Variants in HCN1 observed in about 807,000 individuals in gnomAD.
HCN1 encodes the protein potassium/sodium hyperpolarization-activated cyclic nucleotide-gated channel 1.
A neutral mutation model predicts 78.9 loss-of-function variants in HCN1; 13 were observed. The ratio of observed to expected loss-of-function variants is 0.16; its 90% CI spans 0.11 to 0.26. The LOEUF is 0.26. HCN1 is among the 10% of genes least tolerant of loss of function. HCN1 has a pLI of 1.00. For synonymous variants in HCN1, 552 were observed against 455.5 expected (o/e 1.21, Z -2.70); for missense variants, 810 against 1,154.3 (o/e 0.70, Z 4.32).
At chr5:45,520,851 A>G (rs1005565221) in intron 2 of HCN1, among the ~76,000 whole-genome samples, 1 of 152,006 alleles carries the variant, frequency 6.6e-6, no homozygotes, top group East Asian at 1.9e-4. Context: ...TTATAATATA[A>G]TATAAGTGTT....
chr5:45,671,662 G>C (rs1036625329), intron 1 of HCN1, among the ~76,000 whole-genome samples: 38 of 151,376 alleles, frequency 2.5e-4, no homozygotes, highest in African/African-American at 9.2e-4. Context: ...GTAGAATTTA[G>C]AAAAAAGATC....
chr5:45,691,035 G>A (rs1437097171), intron 1 of HCN1, among the ~76,000 whole-genome samples: 3 of 152,064 alleles, frequency 2.0e-5, no homozygotes, highest in Admixed American at 2.0e-4. Flanking sequence ...TAGGTGCATT[G>A]AGTATAATAA....
intron 3 of HCN1, among the ~76,000 whole-genome samples, chr5:45,421,496 A>G (rs1423766025): frequency 6.6e-6 from 1 of 152,214 alleles, no homozygotes; most frequent in Admixed American, 6.5e-5. Flanking sequence ...ATAATGAGTG[A>G]AGGAAGCAAA....
At chr5:45,681,938 T>G (rs1739708718) in intron 1 of HCN1, among the ~76,000 whole-genome samples, 1 of 152,112 alleles carries the variant, frequency 6.6e-6, no homozygotes, top group Non-Finnish European at 1.5e-5. Context: ...ATTCATGTGT[T>G]GAAGTCCTAA....
At chr5:45,551,997 A>C (rs1342037742) in intron 2 of HCN1, among the ~76,000 whole-genome samples, 1 of 151,988 alleles carries the variant, frequency 6.6e-6, no homozygotes, top group African/African-American at 2.4e-5. Context: ...CACAGTGACC[A>C]TTAATTGTCC....
intron 5 of HCN1, among the ~76,000 whole-genome samples, chr5:45,344,520 T>C (rs919782411): frequency 1.3e-5 from 2 of 152,148 alleles, no homozygotes; most frequent in Non-Finnish European, 2.9e-5. Context: ...CAAAAGCACA[T>C]TACTTACTTC....
At position 45,298,777 on chromosome 5, in the gene HCN1, G is replaced by A. The variant is rs1275516208; in HGVS notation, c.1618+4822C>T. Among the ~76,000 whole-genome samples the A allele has an allele frequency of 2.0e-5, 3 of 151,950 alleles. No individual in the cohort carries two copies. In the East Asian group the frequency reaches 5.8e-4, roughly 29 times the overall value. The stretch of plus-strand genomic sequence containing the variant: ...GCTCCTTACTTGTGGGCTGTGCATG[G>A]TGACTACCTTCCAAAGAGTACAGTA... On this transcript the variant is annotated intron_variant, in intron 6 of 7. Coordinates refer to ENST00000303230, the MANE Select transcript of HCN1 (RefSeq NM_021072.4).
intron 6 of HCN1, among the ~76,000 whole-genome samples, chr5:45,286,547 T>G (rs747098347): frequency 2.6e-5 from 4 of 152,106 alleles, no homozygotes; most frequent in Non-Finnish European, 5.9e-5. Flanking sequence ...AAGAAGTGTC[T>G]GATGTGTTTT....
chr5:45,442,125 C>A (rs992048306), intron 3 of HCN1, among the ~76,000 whole-genome samples: 5 of 152,092 alleles, frequency 3.3e-5, no homozygotes, highest in Admixed American at 6.6e-5. Flanking sequence ...AGCAAGTTGT[C>A]AAACCAGTTA....
chr5:45,609,003 G>T (rs935074079), intron 2 of HCN1, among the ~76,000 whole-genome samples: 1 of 151,966 alleles, frequency 6.6e-6, no homozygotes, highest in East Asian at 1.9e-4. Flanking sequence ...TGTAATCAGG[G>T]AAATGCAAAT....
chr5:45,410,078 A>G (rs2112054970), intron 3 of HCN1, among the ~76,000 whole-genome samples: 1 of 152,158 alleles, frequency 6.6e-6, no homozygotes, highest in South Asian at 2.1e-4. Context: ...AATACTGACC[A>G]TAGCACAACT....
intron 3 of HCN1, among the ~76,000 whole-genome samples, chr5:45,444,289 A>C (rs1740740055): frequency 6.6e-6 from 1 of 152,196 alleles, no homozygotes; most frequent in African/African-American, 2.4e-5. Context: ...ATGAATTTAA[A>C]TTAGTTTTGA....
intron 5 of HCN1, among the ~76,000 whole-genome samples, chr5:45,321,316 G>A (rs538650924): frequency 1.3e-5 from 2 of 151,860 alleles, no homozygotes; most frequent in South Asian, 2.1e-4. Flanking sequence ...GAAAAACAAC[G>A]TAACAATAAA....
chr5:45,613,881 A>G (rs1744891869), intron 2 of HCN1, among the ~76,000 whole-genome samples: 1 of 152,218 alleles, frequency 6.6e-6, no homozygotes, highest in Non-Finnish European at 1.5e-5. Flanking sequence ...AATAGTCTCA[A>G]TTATGATTCA....
intron 5 of HCN1, among the ~76,000 whole-genome samples, chr5:45,345,852 C>G (rs1302564599): frequency 6.6e-6 from 1 of 152,222 alleles, no homozygotes; most frequent in Non-Finnish European, 1.5e-5. Flanking sequence ...TTTCAGGTAT[C>G]TTTGAAGCAG....
intron 3 of HCN1, among the ~76,000 whole-genome samples, chr5:45,435,490 A>G (rs1436081486): frequency 1.3e-5 from 2 of 152,160 alleles, no homozygotes; most frequent in African/African-American, 4.8e-5. Context: ...GACAATTAGA[A>G]AACTATATCA....
intron 5 of HCN1, among the ~76,000 whole-genome samples, chr5:45,342,727 T>C (rs1746612310): frequency 6.6e-6 from 1 of 152,172 alleles, no homozygotes; most frequent in Admixed American, 6.5e-5. Flanking sequence ...TAAAAAACTT[T>C]TAGTGGGTAC....
chr5:45,582,994 GT>G (rs1024299668), intron 2 of HCN1, among the ~76,000 whole-genome samples: 4 of 137,900 alleles, frequency 2.9e-5, no homozygotes, highest in African/African-American at 1.1e-4. Flanking sequence ...TTTTTTTTTT[GT>G]TGTGTCTCTG....
intron 5 of HCN1, among the ~76,000 whole-genome samples, chr5:45,323,733 A>C (rs1746175230): frequency 6.6e-6 from 1 of 151,724 alleles, no homozygotes; most frequent in African/African-American, 2.4e-5. Flanking sequence ...ACCCCACGAC[A>C]GGCCCGGTGT....
Sources: allele counts gnomAD v4.1 joint callset (sites outside exome capture counted in the v4.1 genomes callset), GRCh38; gene constraint gnomAD v4.1.1; transcripts MANE v1.5; gene names NCBI Gene and HGNC (gene_info 2026-07-23, HGNC 2026-07-21).